Variants in REC8 observed in about 807,000 individuals in gnomAD.
REC8 encodes the protein meiotic recombination protein REC8 homolog.
REC8 carries 42 observed loss-of-function variants against 78.3 expected under a neutral mutation model. That is an observed-to-expected ratio of 0.54 (90% CI 0.42 to 0.69). REC8 has a LOEUF of 0.69. REC8 is among the 30% of genes least tolerant of loss of function. The pLI is 0.00. For missense variants in REC8, 581 were observed against 715.8 expected, an observed-to-expected ratio of 0.81 and a Z score of 2.15; for synonymous variants, 268 against 274.1, an observed-to-expected ratio of 0.98 and a Z score of 0.22.
In REC8 at chr14:24,175,610, A is replaced by T. The variant is rs1410916617; in HGVS notation, c.530A>T (p.Glu177Val). The T allele has an allele frequency of 6.2e-7, 1 of 1,613,566 alleles. No homozygotes were observed. Among genetic ancestry groups the T allele is most frequent in the Non-Finnish European group, 8.5e-7 (1 of 1,179,642 alleles). Reference sequence around the variant, plus strand: ...GAGATCCCTCCTGAAGTTCCTACAGAGCCCAGGGAGCCAGGTCAGCAGAGA... The same window carrying T: ...GAGATCCCTCCTGAAGTTCCTACAGTGCCCAGGGAGCCAGGTCAGCAGAGA... ...VEEIPPEVPT[E>V]PREPERIPVT... Residue 177 changes from glutamate to valine, a missense_variant, in exon 6 of 19, where the codon GAG becomes GTG. Transcript: ENST00000611366.
chr14:24,174,440 G>A (rs1408793470), intron 5 of REC8, among the ~76,000 whole-genome samples: 1 of 152,146 alleles, frequency 6.6e-6, no homozygotes, highest in African/African-American at 2.4e-5. Flanking sequence ...ACCATGCCCG[G>A]CTAATTTTTG....
intron 11 of REC8, 50 bp downstream of exon 11, chr14:24,177,808 C>A (rs377654484): frequency 3.4e-5 from 52 of 1,514,888 alleles, no homozygotes; most frequent in South Asian, 1.1e-4. Flanking sequence ...TGCCCTCCCC[C>A]ACAAGGACTG....
rs749410088 is a variant in REC8, at chr14:24,172,952, T to C, written c.179T>C (p.Leu60Pro). 1 of 1,610,450 alleles carries C rather than the reference T, an allele frequency of 6.2e-7. No homozygotes were observed. The highest frequency in any genetic ancestry group is 8.5e-7 in the Non-Finnish European group (1 of 1,180,014). ...CGAGTGCAACCCCCGCAGCCCGGCC[T>C]GCCGCGGCCCCGCTTCTCCCTCTAT... The part of the protein sequence containing the change: ...LVRVQPPQPG[L>P]PRPRFSLYLS... Residue 60 changes from leucine (L) to proline (P), a missense_variant, in exon 3 of 19, where the codon CTG (leucine) becomes CCG (proline). Physicochemically the swap from Leu to Pro is moderately conservative, Grantham distance 98 (BLOSUM62 -3). Coordinates refer to ENST00000611366, the MANE Select transcript of REC8 (RefSeq NM_001048205.2).
At chr14:24,178,316 G>A (rs3736840) in intron 12 of REC8, 94 bp downstream of exon 12, 3 of 1,152,366 alleles carry the variant, frequency 2.6e-6, no homozygotes, top group East Asian at 2.4e-5. Flanking sequence ...TCAGGTGGGT[G>A]GGGGGAGGAT....
chr14:24,176,106 G>A (rs571125209), intron 6 of REC8, among the ~76,000 whole-genome samples: 1 of 151,392 alleles, frequency 6.6e-6, no homozygotes, highest in Non-Finnish European at 1.5e-5. Context: ...TCACTCTCTA[G>A]CCCAGGCTGG....
chr14:24,173,017 T>A lies in REC8; in HGVS notation c.244T>A (p.Ser82Thr). Residue 82 changes from serine to threonine, a missense_variant, in exon 3 of 19, where the codon TCT becomes ACT. Ser to Thr is a moderately conservative substitution (Grantham distance 58). Coordinates refer to ENST00000611366, the MANE Select transcript of REC8 (RefSeq NM_001048205.2). ...QLQIGVIRVY[S>T]QQCQYLVEDI... ...TCAGATCGGTGTGATCCGCGTCTAT[T>A]CTCAACAATGCCAGTACCTCGTGGG... 1 of 1,608,698 alleles carries A rather than the reference T, an allele frequency of 6.2e-7. No homozygotes were observed. Among genetic ancestry groups the A allele is most frequent in the East Asian group, 2.2e-5 (1 of 44,886 alleles).
intron 15 of REC8, 98 bp downstream of exon 15, chr14:24,179,231 G>T (rs191950685): frequency 3.3e-6 from 4 of 1,200,844 alleles, no homozygotes; most frequent in Non-Finnish European, 4.9e-6. Flanking sequence ...GAGTGAAGGC[G>T]TGTGTGTGTG....
rs11547058 is a variant in REC8 at position 24,173,139 on chromosome 14, C to T, written c.282C>T (p.His94=). 0.11 allele frequency: 173,432 copies of T among 1,613,956 alleles called. 11,163 individuals carry two copies. The highest frequency in any genetic ancestry group is 0.34 in the East Asian group (15,089 of 44,862). The change falls in exon 4 of 19, where the codon CAC becomes CAT. Residue 94 remains histidine, a synonymous_variant. Transcript: ENST00000611366. ...QCQYLVEDIQ[H]ILERLHRAQL... ...CCCTGCCCACAGAGGACATCCAGCACATCTTGGAGCGCCTCCACCGTGCCC... is the reference window on the plus strand; with the variant it reads ...CCCTGCCCACAGAGGACATCCAGCATATCTTGGAGCGCCTCCACCGTGCCC...
chr14:24,175,606 A>G lies in REC8; in HGVS notation c.526A>G (p.Thr176Ala), dbSNP rs2038857196. ...RVEEIPPEVP[T>A]EPREPERIPV... ...TGAAGAGATCCCTCCTGAAGTTCCT[A>G]CAGAGCCCAGGGAGCCAGGTCAGCA... is the stretch of plus-strand genomic sequence containing the variant. Residue 176 changes from threonine (T) to alanine (A), a missense_variant, in exon 6 of 19, where the codon ACA (threonine) becomes GCA (alanine). Physicochemically the swap from Thr to Ala is moderately conservative, Grantham distance 58. Transcript: ENST00000611366. 1 of 1,613,798 alleles carries G rather than the reference A, an allele frequency of 6.2e-7. No homozygotes were observed. Among genetic ancestry groups the G allele is most frequent in the African/African-American group, 1.3e-5 (1 of 74,918 alleles).
At position 24,178,213 on chromosome 14, in the gene REC8, C is replaced by T; in HGVS notation, c.987C>T (p.Cys329=). ...AACAACTGCAAACCAGAGCCCACTG[C>T]TGGGAATGTGTGAGTGCAGCCCAGG... ...FQEQLQTRAH[C]WECPMVQPPE... is the part of the protein sequence containing the mutation. Residue 329 remains cysteine, a synonymous_variant, in exon 12 of 19, where the codon TGC becomes TGT. Coordinates refer to ENST00000611366, the MANE Select transcript of REC8 (RefSeq NM_001048205.2). 1 of 1,613,696 alleles carries T rather than the reference C, an allele frequency of 6.2e-7. No individual in the cohort carries two copies. Among genetic ancestry groups the T allele is most frequent in the African/African-American group, 1.3e-5 (1 of 75,018 alleles).
chr14:24,176,640 G>A (rs1027417915), intron 6 of REC8, among the ~76,000 whole-genome samples, 182 bp from the exon 7 acceptor site: 1 of 152,168 alleles, frequency 6.6e-6, no homozygotes, highest in Non-Finnish European at 1.5e-5. Context: ...CCACTTTACC[G>A]ATGAGGAAAG....
Position 24,179,781 on chromosome 14 carries a change from T to A in REC8, c.1452-19T>A, listed in dbSNP as rs747898491. On this transcript the variant is annotated intron_variant, in intron 17 of 18. Transcript: ENST00000611366. ...GGACCCGGGCTGAAGCCTCTGCTAATGGTTCTTGATCCCTATAGGGCAGTG... is the reference window on the plus strand; with the variant it reads ...GGACCCGGGCTGAAGCCTCTGCTAAAGGTTCTTGATCCCTATAGGGCAGTG... The A allele has an allele frequency of 6.2e-7, 1 of 1,613,882 alleles. No individual in the cohort carries two copies. The highest frequency in any genetic ancestry group is 1.3e-5 in the African/African-American group (1 of 74,934).
intron 11 of REC8, 42 bp downstream of exon 11, chr14:24,177,800 C>CCCTCCCCCACAAGGACTG (rs2038968370): frequency 2.0e-6 from 3 of 1,520,694 alleles, no homozygotes; most frequent in Non-Finnish European, 2.6e-6. Flanking sequence ...CTCCTCTTTG[C>CCCTCCCCCACAAGGACTG]CCTCCCCCAC....
In REC8 at chr14:24,172,665, A is replaced by C. The variant is rs2038716628; in HGVS notation, c.57-48A>C. On this transcript the variant is annotated intron_variant, in intron 1 of 18. Transcript: ENST00000611366. ...GGACGCTGCCCGGGATCCCAGCCTG[A>C]CAGCTCCCCCTCCATCCCCATTCTC... 3.1e-6 allele frequency: 5 copies of C among 1,613,274 alleles called. No homozygotes were observed. In the African/African-American group the frequency reaches 6.7e-5, roughly 22 times the overall value.
chr14:24,176,994 C>A, intron 7 of REC8, 93 bp downstream of exon 7: 1 of 1,355,436 alleles, frequency 7.4e-7, no homozygotes, highest in Non-Finnish European at 1.0e-6. Context: ...CTCCATTTCC[C>A]TATTCTCTGT....
chr14:24,172,650 C>T (rs749860730), intron 1 of REC8, 42 bp downstream of exon 1: 2 of 1,612,670 alleles, frequency 1.2e-6, no homozygotes, highest in African/African-American at 1.3e-5. Context: ...GGACGCTGCC[C>T]GGGATCCCAG....
chr14:24,180,681 A>G (rs1368532817), downstream of REC8: 3 of 1,614,098 alleles, frequency 1.9e-6, no homozygotes, highest in Admixed American at 1.7e-5. Flanking sequence ...TATGACTCCT[A>G]CCCTCACCTG....
At chr14:24,180,570 T>C, downstream of REC8, 1 of 1,613,652 alleles carries the variant, frequency 6.2e-7, no homozygotes, top group Non-Finnish European at 8.5e-7. Flanking sequence ...GCGGCCTTGG[T>C]GTCTGGGTGG....
rs561000270 is a variant in REC8 at position 24,178,133 on chromosome 14, C to T, written c.907C>T (p.Arg303Cys). 10 of 1,613,820 alleles carry T rather than the reference C, an allele frequency of 6.2e-6. No homozygotes were observed. Among genetic ancestry groups the T allele is most frequent in the Admixed American group, 5.0e-5 (3 of 59,982 alleles). Residue 303 changes from arginine (R) to cysteine (C), a missense_variant, in exon 12 of 19, where the codon CGC (arginine) becomes TGC (cysteine). Coordinates refer to ENST00000611366, the MANE Select transcript of REC8 (RefSeq NM_001048205.2). ...CCCACCTCCTCGCCGCCGCCGTCGT[C>T]GCCGGTTACTGTTCTGGGACAAGGA... ...VPPPPRRRRR[R>C]RLLFWDKETQ...
Sources: gnomAD v4.1 joint callset for allele counts (sites outside exome capture counted in the v4.1 genomes callset) on GRCh38, gnomAD v4.1.1 for gene constraint, MANE v1.5 for transcripts, NCBI Gene and HGNC (gene_info 2026-07-23, HGNC 2026-07-21) for gene names.